Variants in NCOA1 observed in about 807,000 individuals in gnomAD.
NCOA1 encodes Hin-2 protein.
In NCOA1, 35 loss-of-function variants were observed where a neutral mutation model predicts 150.9. The observed-to-expected ratio is 0.23, with a 90% CI of 0.18 to 0.31. The LOEUF is 0.31. Ranked by LOEUF, NCOA1 falls within the 10% of genes least tolerant of loss-of-function variation. The pLI, the probability that NCOA1 is intolerant of heterozygous loss-of-function variation, is 1.00. For synonymous variants in NCOA1, 590 were observed against 630.0 expected, an observed-to-expected ratio of 0.94 and a Z score of 0.95; for missense variants, 1,491 against 1,749.3, an observed-to-expected ratio of 0.85 and a Z score of 2.63.
chr2:24,723,578 C>T (rs1409973585), intron 14 of NCOA1, among the ~76,000 whole-genome samples: 2 of 152,096 alleles, frequency 1.3e-5, no homozygotes, highest in Non-Finnish European at 2.9e-5. Flanking sequence ...GAATTATGTA[C>T]TTTCTCATTT....
chr2:24,699,375 C>T (rs1280877777), intron 11 of NCOA1, among the ~76,000 whole-genome samples: 2 of 152,174 alleles, frequency 1.3e-5, no homozygotes, highest in Non-Finnish European at 2.9e-5. Flanking sequence ...GACTAGGCTA[C>T]AGTTGAAGGT....
intron 13 of NCOA1, among the ~76,000 whole-genome samples, chr2:24,708,874 C>T (rs1329652804): frequency 6.6e-6 from 1 of 152,186 alleles, no homozygotes. Flanking sequence ...CTCTTCTAAA[C>T]ATATTCTGCC....
chr2:24,555,789 A>C (rs1205064396), intron 1 of NCOA1, among the ~76,000 whole-genome samples: 1 of 152,116 alleles, frequency 6.6e-6, no homozygotes, highest in Non-Finnish European at 1.5e-5. Flanking sequence ...TTTCTATTCT[A>C]TCCTTTTTAC....
rs1266821225 is a variant in NCOA1 at position 24,762,926 on chromosome 2, GT to G, written c.4155+152del. On this transcript the variant is annotated intron_variant, in intron 22 of 22. Transcript: ENST00000348332. ...TTCTTAGCTGTGTCGTCCTGGGCAT[GT>G]TATGGAGCTTTCCTGAGCTGCTGTA... 4 of 673,968 alleles carry G rather than the reference GT, an allele frequency of 5.9e-6. No individual in the cohort carries two copies. In the African/African-American group the frequency reaches 7.3e-5, roughly 12 times the overall value. The allele number at this position is 673,968 out of a possible 1,614,324, so 41.7% of individuals were successfully genotyped here.
intron 3 of NCOA1, among the ~76,000 whole-genome samples, chr2:24,616,544 C>T (rs183091893): frequency 2.0e-5 from 3 of 152,158 alleles, no homozygotes; most frequent in African/African-American, 4.8e-5. Context: ...AAAATGATAT[C>T]GGGGATTATA....
At position 24,768,439 on chromosome 2, in the gene NCOA1, T is replaced by C. The variant is rs1401814891; in HGVS notation, c.*48T>C. ...TTTAAATAATAGACATACAGAGATA[T>C]ACAAATATATTATATATTTTTCTGA... On this transcript the variant is annotated 3_prime_UTR_variant, in exon 23 of 23. Coordinates refer to ENST00000348332, the MANE Select transcript of NCOA1 (RefSeq NM_003743.5). 1 of 1,222,286 alleles carries C rather than the reference T, an allele frequency of 8.2e-7. No homozygotes were observed. The highest frequency in any genetic ancestry group is 1.1e-6 in the Non-Finnish European group (1 of 943,706). The allele number at this position is 1,222,286 out of a possible 1,614,324, so 75.7% of individuals were successfully genotyped here. A position where few individuals can be genotyped will look rare whatever the true frequency, so the allele number is the denominator to read the frequency against.
chr2:24,708,181 C>T (rs1673554999), intron 13 of NCOA1, among the ~76,000 whole-genome samples: 1 of 152,232 alleles, frequency 6.6e-6, no homozygotes, highest in South Asian at 2.1e-4. Context: ...CTGCCCCTCT[C>T]TCCCAGCCCT....
intron 1 of NCOA1, among the ~76,000 whole-genome samples, chr2:24,523,612 A>AAAAAAAAAAAAAAG (rs1664519774): frequency 8.0e-6 from 1 of 125,248 alleles, no homozygotes; most frequent in Non-Finnish European, 1.7e-5. Flanking sequence ...TCTCAAAAAA[A>AAAAAAAAAAAAAAG]AAAAAAAAAA....
At chr2:24,746,415 C>T (rs1203816556) in intron 19 of NCOA1, among the ~76,000 whole-genome samples, 4 of 151,974 alleles carry the variant, frequency 2.6e-5, no homozygotes, top group African/African-American at 9.7e-5. Flanking sequence ...TGGTGGTGGG[C>T]GCCTGTAGTC....
At chr2:24,679,731 T>C (rs566720651) in intron 7 of NCOA1, among the ~76,000 whole-genome samples, 228 of 152,296 alleles carry the variant, frequency 1.5e-3, no homozygotes, top group African/African-American at 5.4e-3. Flanking sequence ...TGAGTGTACT[T>C]TCCTGTGCTC....
chr2:24,575,596 CAG>C (rs1666922013), intron 2 of NCOA1, among the ~76,000 whole-genome samples: 2 of 135,802 alleles, frequency 1.5e-5, no homozygotes. Flanking sequence ...TTTTTTGAGA[CAG>C]AGTCTCGCTC....
intron 1 of NCOA1, among the ~76,000 whole-genome samples, chr2:24,541,549 A>AT (rs1665396497): frequency 6.6e-6 from 1 of 152,226 alleles, no homozygotes; most frequent in African/African-American, 2.4e-5. Context: ...GAGCCAGTGC[A>AT]TTGGCTGGAT....
At chr2:24,546,480 A>G (rs1261468502) in intron 1 of NCOA1, among the ~76,000 whole-genome samples, 2 of 152,234 alleles carry the variant, frequency 1.3e-5, no homozygotes, top group Admixed American at 6.5e-5. Context: ...ATTTGAAACT[A>G]TAGTCCTAGG....
intron 11 of NCOA1, among the ~76,000 whole-genome samples, chr2:24,698,094 G>A (rs1037208070): frequency 6.6e-6 from 1 of 151,936 alleles, no homozygotes; most frequent in African/African-American, 2.4e-5. Context: ...AAGGTGCCAG[G>A]GATACAGTGA....
chr2:24,607,506 G>A (rs1439191057), intron 3 of NCOA1, among the ~76,000 whole-genome samples: 3 of 152,098 alleles, frequency 2.0e-5, no homozygotes, highest in African/African-American at 4.8e-5. Context: ...TGGCTAACAC[G>A]GGGAAACCCC....
intron 1 of NCOA1, among the ~76,000 whole-genome samples, chr2:24,515,571 T>C (rs1469515589): frequency 6.6e-6 from 1 of 152,162 alleles, no homozygotes; most frequent in East Asian, 1.9e-4. Context: ...TCTCTACTTT[T>C]GGCATTTTGA....
chr2:24,724,712 A>G (rs899411648), intron 14 of NCOA1, among the ~76,000 whole-genome samples: 3 of 152,162 alleles, frequency 2.0e-5, no homozygotes, highest in Non-Finnish European at 2.9e-5. Flanking sequence ...TAGTATTGCT[A>G]GTAGACAGTG....
chr2:24,529,429 G>A (rs1303873956), intron 1 of NCOA1, among the ~76,000 whole-genome samples: 1 of 152,220 alleles, frequency 6.6e-6, no homozygotes, highest in Non-Finnish European at 1.5e-5. Flanking sequence ...TTGGGCATAA[G>A]TGATCCTCCC....
chr2:24,559,967 G>A (rs11125673), intron 1 of NCOA1, among the ~76,000 whole-genome samples: 22,543 of 152,094 alleles, frequency 0.15, 2,025 homozygotes, highest in Non-Finnish European at 0.2. Flanking sequence ...GTGGCTTGAG[G>A]CTTTTTTTCT....
Sources: allele counts gnomAD v4.1 joint callset (sites outside exome capture counted in the v4.1 genomes callset), GRCh38; gene constraint gnomAD v4.1.1; transcripts MANE v1.5; gene names NCBI Gene and HGNC (gene_info 2026-07-23, HGNC 2026-07-21).